TANC1: variants seen among roughly 807,000 people sequenced by gnomAD.
The protein encoded by TANC1 is protein TANC1.
TANC1 carries 77 observed loss-of-function variants against 149.7 expected under a neutral mutation model. The ratio of observed to expected loss-of-function variants is 0.51; its 90% CI spans 0.43 to 0.62. TANC1 has a LOEUF of 0.62. TANC1 is among the 20% of genes least tolerant of loss of function. TANC1 has a pLI of 0.00. For synonymous variants in TANC1, 854 were observed against 925.0 expected (o/e 0.92, Z 1.39); for missense variants, 1,985 against 2,321.8 (o/e 0.85, Z 2.98).
rs193247763 is a variant in TANC1, at chr2:158,978,113, T to C, written c.-126+9331T>C. On this transcript the variant is annotated intron_variant, in intron 1 of 26. Transcript: ENST00000263635. ...TTCGCCTATTGGCTTTGCAGATGGGTTGTAGGCTTTTTGATGGTAGGGGGT... is the reference window on the plus strand; with the variant it reads ...TTCGCCTATTGGCTTTGCAGATGGGCTGTAGGCTTTTTGATGGTAGGGGGT... 3.0e-4 allele frequency among the ~76,000 whole-genome samples: 45 copies of C among 152,278 alleles called. No homozygotes were observed. In the East Asian group the frequency reaches 4.6e-3, roughly 16 times the overall value.
intron 2 of TANC1, chr2:159,027,215 A>G (rs1399979028): frequency 5.9e-5 from 9 of 152,110 alleles, no homozygotes; most frequent in Non-Finnish European, 1.3e-4. Flanking sequence ...TTAATTATAC[A>G]TTTTGTCTTT....
chr2:159,062,846 A>T (rs2149674052), intron 2 of TANC1, among the ~76,000 whole-genome samples: 1 of 151,688 alleles, frequency 6.6e-6, no homozygotes, highest in East Asian at 1.9e-4. Flanking sequence ...GGGTGCCTGT[A>T]GTCCCAGCTA....
intron 1 of TANC1, among the ~76,000 whole-genome samples, chr2:158,983,357 C>G (rs1559098423): frequency 6.6e-6 from 1 of 151,120 alleles, no homozygotes; most frequent in Non-Finnish European, 1.5e-5. Context: ...GTCCCAGCTA[C>G]TCGGGAGGCT....
At position 159,228,778 on chromosome 2, in the gene TANC1, A is replaced by G. The variant is rs76022760; in HGVS notation, c.4051-18A>G. The G allele has an allele frequency of 0.02, 32,304 of 1,597,220 alleles. 412 individuals carry two copies. Among genetic ancestry groups the G allele is most frequent in the Middle Eastern group, 0.032 (194 of 6,024 alleles). ...TGTCCAGGCTGCTTCTGACTCCTGT[A>G]TTTCTTGTCGACACCAGGACTTTGG... On this transcript the variant is annotated intron_variant, in intron 25 of 26. Transcript: ENST00000263635.
intron 3 of TANC1, among the ~76,000 whole-genome samples, chr2:159,074,788 C>T (rs1045693535): frequency 5.9e-5 from 9 of 152,118 alleles, no homozygotes; most frequent in African/African-American, 9.7e-5. Context: ...TATTTCCCCT[C>T]GCCATGCTGC....
chr2:159,106,275 C>G (rs2047175068), intron 4 of TANC1, among the ~76,000 whole-genome samples: 1 of 152,134 alleles, frequency 6.6e-6, no homozygotes, highest in African/African-American at 2.4e-5. Flanking sequence ...CAAAAAAACC[C>G]CATACCCGTT....
At chr2:159,208,614 T>C (rs1025125501) in intron 19 of TANC1, among the ~76,000 whole-genome samples, 24 of 152,344 alleles carry the variant, frequency 1.6e-4, no homozygotes, top group African/African-American at 4.3e-4. Context: ...CATTTTTCCA[T>C]GATGCTTGGT....
chr2:159,043,893 G>A (rs1330349002), intron 2 of TANC1, among the ~76,000 whole-genome samples: 1 of 152,176 alleles, frequency 6.6e-6, no homozygotes, highest in Non-Finnish European at 1.5e-5. Context: ...AACATTTACA[G>A]GTTGCCTTAC....
chr2:158,989,633 C>CT (rs924856031), intron 1 of TANC1, among the ~76,000 whole-genome samples: 4 of 146,162 alleles, frequency 2.7e-5, no homozygotes, highest in Non-Finnish European at 4.6e-5. Flanking sequence ...AAAAAAGAAT[C>CT]TTTTTTGTTT....
rs575947050 is a variant in TANC1, at chr2:159,228,567, C to T, written c.4051-229C>T. On this transcript the variant is annotated intron_variant, in intron 25 of 26. Transcript: ENST00000263635. ...CTGTGAGGTTCCACCATCTGGCCTT[C>T]TTGGGGCACTGTTACTACCACTGTT... The T allele has an allele frequency of 1.4e-4, 67 of 492,018 alleles. No homozygotes were observed. In the South Asian group the frequency reaches 1.6e-3, roughly 12 times the overall value. 30.5% of individuals were successfully genotyped at this position (492,018 alleles called of 1,614,324 possible).
intron 2 of TANC1, among the ~76,000 whole-genome samples, chr2:159,037,218 T>G (rs2040261809): frequency 6.6e-6 from 1 of 152,222 alleles, no homozygotes; most frequent in Non-Finnish European, 1.5e-5. Context: ...GTTTGATTTT[T>G]TCTTGAAAAT....
chr2:159,187,744 G>A (rs924345237), intron 16 of TANC1, among the ~76,000 whole-genome samples: 37 of 152,128 alleles, frequency 2.4e-4, no homozygotes, highest in Non-Finnish European at 5.9e-5. Flanking sequence ...TCTTCCCCCC[G>A]AATCACTCAC....
At chr2:159,200,545 G>A (rs2058173728) in intron 19 of TANC1, among the ~76,000 whole-genome samples, 1 of 152,206 alleles carries the variant, frequency 6.6e-6, no homozygotes, top group Admixed American at 6.5e-5. Context: ...TTCCAGAGAA[G>A]GGCTGACTTT....
chr2:159,094,935 T>C (rs1218980490), intron 3 of TANC1, among the ~76,000 whole-genome samples: 4 of 152,108 alleles, frequency 2.6e-5, no homozygotes, highest in South Asian at 4.2e-4. Context: ...AGAGGTGTTT[T>C]TTTATTGTTT....
chr2:159,122,606 C>T (rs1177627536), intron 4 of TANC1, among the ~76,000 whole-genome samples: 3 of 152,156 alleles, frequency 2.0e-5, no homozygotes, highest in African/African-American at 4.8e-5. Flanking sequence ...ACACCCAACT[C>T]CTGACAACCC....
chr2:159,056,785 C>A (rs969387014), intron 2 of TANC1: 2 of 347,580 alleles, frequency 5.8e-6, no homozygotes, highest in South Asian at 5.9e-5. Context: ...TTGTTCTTCC[C>A]GTCCATGAAG....
chr2:158,984,076 G>C (rs2034734532), intron 1 of TANC1, among the ~76,000 whole-genome samples: 1 of 152,186 alleles, frequency 6.6e-6, no homozygotes. Flanking sequence ...CTCCTTCCCA[G>C]ATAGTGCCTG....
chr2:159,221,691 A>G (rs910550114), intron 22 of TANC1, among the ~76,000 whole-genome samples: 10 of 152,178 alleles, frequency 6.6e-5, no homozygotes, highest in African/African-American at 1.9e-4. Flanking sequence ...CCTGCATAGT[A>G]TTTCATCATG....
At chr2:159,019,866 A>C (rs1463971593) in intron 2 of TANC1, among the ~76,000 whole-genome samples, 1 of 150,578 alleles carries the variant, frequency 6.6e-6, no homozygotes, top group African/African-American at 2.4e-5. Context: ...AGCCTCCCGA[A>C]GTGTTGGGAT....
Sources: allele counts gnomAD v4.1 joint callset (sites outside exome capture counted in the v4.1 genomes callset), GRCh38; gene constraint gnomAD v4.1.1; transcripts MANE v1.5; gene names NCBI Gene and HGNC (gene_info 2026-07-23, HGNC 2026-07-21).